The following FBXW7 variants were observed in gnomAD, a reference collection of about 807,000 sequenced individuals.
FBXW7 encodes F-box and WD repeat domain containing 7.
A neutral mutation model predicts 86.3 loss-of-function variants in FBXW7; 11 were observed. The ratio of observed to expected loss-of-function variants is 0.13; its 90% CI spans 0.08 to 0.21. The LOEUF is 0.21. Ranked by LOEUF, FBXW7 falls within the 10% of genes least tolerant of loss-of-function variation. The probability of loss-of-function intolerance (pLI) is 1.00; values close to 1 mark genes in which losing one functional copy is unlikely to be tolerated. For synonymous variants in FBXW7, 313 were observed against 297.9 expected (o/e 1.05, Z -0.52); for missense variants, 488 against 847.4 (o/e 0.58, Z 5.27).
intron 4 of FBXW7, among the ~76,000 whole-genome samples, chr4:152,356,007 G>A (rs902696198): frequency 3.9e-5 from 6 of 152,090 alleles, no homozygotes; most frequent in Non-Finnish European, 5.9e-5. Context: ...GGTCTTAAGC[G>A]AATCATGTAT....
intron 2 of FBXW7, among the ~76,000 whole-genome samples, chr4:152,499,226 C>T (rs761299808): frequency 3.9e-5 from 6 of 152,160 alleles, no homozygotes; most frequent in Non-Finnish European, 7.3e-5. Context: ...TATCTTGTCA[C>T]TCAACATGCA....
At chr4:152,489,441 T>C (rs1426219720) in intron 2 of FBXW7, 1 of 152,630 alleles carries the variant, frequency 6.6e-6, no homozygotes, top group African/African-American at 2.4e-5. Context: ...CTTCCAAGCC[T>C]ACCAAGACAT....
intron 2 of FBXW7, among the ~76,000 whole-genome samples, chr4:152,524,828 GA>G (rs997049443): frequency 1.3e-5 from 2 of 152,132 alleles, no homozygotes; most frequent in Non-Finnish European, 2.9e-5. Flanking sequence ...CCGCAGGGGG[GA>G]AAAATCCACC....
At chr4:152,422,305 A>G (rs1739017092) in intron 2 of FBXW7, among the ~76,000 whole-genome samples, 1 of 152,216 alleles carries the variant, frequency 6.6e-6, no homozygotes, top group Non-Finnish European at 1.5e-5. Context: ...TGGCTTCAAG[A>G]TATGTGTTGT....
intron 4 of FBXW7, among the ~76,000 whole-genome samples, chr4:152,367,343 A>T (rs1733584878): frequency 6.6e-6 from 1 of 152,144 alleles, no homozygotes; most frequent in Admixed American, 6.6e-5. Context: ...AATCTCTATG[A>T]AAAGAACAAG....
In FBXW7 at chr4:152,320,681, C is replaced by CT. The variant is rs1407375509; in HGVS notation, c.*2199dup. On this transcript the variant is annotated 3_prime_UTR_variant, in exon 14 of 14. Transcript: ENST00000281708. ...TGGCTTATTTCCCTCTCAAACCTTG[C>CT]TTTAGTCTGTCAAACTTTCTTAAAG... 2 of 152,008 alleles carry CT rather than the reference C, an allele frequency of 1.3e-5. No homozygotes were observed. Among genetic ancestry groups the CT allele is most frequent in the African/African-American group, 4.8e-5 (2 of 41,384 alleles). The allele number at this position is 152,008 out of a possible 1,614,324, so 9.4% of individuals were successfully genotyped here.
chr4:152,390,649 C>T (rs1333402914), intron 4 of FBXW7, among the ~76,000 whole-genome samples: 1 of 151,928 alleles, frequency 6.6e-6, no homozygotes, highest in East Asian at 1.9e-4. Context: ...TCTTTAATGT[C>T]AGTACTTAAG....
intron 2 of FBXW7, among the ~76,000 whole-genome samples, chr4:152,489,822 T>C (rs1745672286): frequency 6.6e-6 from 1 of 151,996 alleles, no homozygotes; most frequent in African/African-American, 2.4e-5. Context: ...ACCACCCCCA[T>C]GCCTACCTTG....
intron 6 of FBXW7, among the ~76,000 whole-genome samples, chr4:152,341,575 GAATA>G (rs1363827067): frequency 4.6e-5 from 7 of 152,144 alleles, no homozygotes; most frequent in African/African-American, 1.4e-4. Flanking sequence ...AATGTTTACT[GAATA>G]AATAAATGAA....
chr4:152,380,265 A>G (rs959515609), intron 4 of FBXW7, among the ~76,000 whole-genome samples: 1 of 151,978 alleles, frequency 6.6e-6, no homozygotes, highest in Non-Finnish European at 1.5e-5. Context: ...TATCTTTAAA[A>G]TTTCTAATAA....
chr4:152,362,577 G>A (rs1733070262), intron 4 of FBXW7, among the ~76,000 whole-genome samples: 2 of 152,090 alleles, frequency 1.3e-5, no homozygotes, highest in South Asian at 4.1e-4. Context: ...TTGGGAGGCT[G>A]AGGCAGGTGG....
At chr4:152,518,966 TACAA>T (rs1748758255) in intron 2 of FBXW7, among the ~76,000 whole-genome samples, 1 of 152,104 alleles carries the variant, frequency 6.6e-6, no homozygotes. Context: ...TTTTTTAAAT[TACAA>T]ACACCAAATC....
intron 2 of FBXW7, among the ~76,000 whole-genome samples, chr4:152,416,014 T>C (rs1346250826): frequency 1.3e-5 from 2 of 152,162 alleles, no homozygotes; most frequent in African/African-American, 4.8e-5. Flanking sequence ...ACCTGCTATA[T>C]AGCAAATACC....
At chr4:152,379,783 G>C (rs1734889692) in intron 4 of FBXW7, among the ~76,000 whole-genome samples, 1 of 152,034 alleles carries the variant, frequency 6.6e-6, no homozygotes, top group African/African-American at 2.4e-5. Flanking sequence ...TCTCAGATGA[G>C]CAGCTAGAAT....
intron 2 of FBXW7, among the ~76,000 whole-genome samples, chr4:152,518,914 G>A (rs1748749284): frequency 6.6e-6 from 1 of 151,886 alleles, no homozygotes; most frequent in Non-Finnish European, 1.5e-5. Flanking sequence ...CACTGGGTAG[G>A]GAATAGTTCT....
At position 152,518,356 on chromosome 4, in the gene FBXW7, C is replaced by T. The variant is rs75617983; in HGVS notation, c.-120+16585G>A. On this transcript the variant is annotated intron_variant, in intron 2 of 13. Coordinates refer to ENST00000281708, the MANE Select transcript of FBXW7 (RefSeq NM_001349798.2). ...TCTCACCCAGGCTAAAGTATAGTGGCAGGATCTTGGCTCACTACAGTCTTG... is the reference window on the plus strand; with the variant it reads ...TCTCACCCAGGCTAAAGTATAGTGGTAGGATCTTGGCTCACTACAGTCTTG... 4.2e-4 allele frequency among the ~76,000 whole-genome samples: 64 copies of T among 152,202 alleles called. No homozygotes were observed. The East Asian group carries it at 0.011, about 26-fold the overall frequency.
At chr4:152,345,227 T>C (rs1731147340) in intron 6 of FBXW7, among the ~76,000 whole-genome samples, 1 of 152,138 alleles carries the variant, frequency 6.6e-6, no homozygotes, top group Non-Finnish European at 1.5e-5. Context: ...TTTAGAATTC[T>C]GAGGGTGTGC....
At chr4:152,498,930 T>C (rs1437625448) in intron 2 of FBXW7, among the ~76,000 whole-genome samples, 1 of 152,170 alleles carries the variant, frequency 6.6e-6, no homozygotes, top group Non-Finnish European at 1.5e-5. Context: ...ATAAAATATT[T>C]TGACGATAAA....
intron 2 of FBXW7, among the ~76,000 whole-genome samples, chr4:152,452,928 A>G (rs1242400989): frequency 1.3e-5 from 2 of 152,244 alleles, no homozygotes; most frequent in Non-Finnish European, 2.9e-5. Context: ...CACGCCTGTA[A>G]TCCCACCACT....
Sources: allele counts gnomAD v4.1 joint callset (sites outside exome capture counted in the v4.1 genomes callset), GRCh38; gene constraint gnomAD v4.1.1; transcripts MANE v1.5; gene names NCBI Gene and HGNC (gene_info 2026-07-23, HGNC 2026-07-21).